The following PTP4A3 variants were observed in gnomAD, a reference collection of about 807,000 sequenced individuals.
PTP4A3 encodes the protein protein tyrosine phosphatase 4A3, also known as protein tyrosine phosphatase type IVA 3.
Under a neutral mutation model 15.2 loss-of-function variants are expected in PTP4A3, and 9 were observed. The observed-to-expected ratio is 0.59, with a 90% CI of 0.36 to 1.03. The LOEUF is 1.03. Ranked by LOEUF, PTP4A3 falls within the 50% of genes least tolerant of loss-of-function variation. The probability of loss-of-function intolerance (pLI) is 0.02; values close to 1 mark genes in which losing one functional copy is unlikely to be tolerated. For missense variants in PTP4A3, 234 were observed against 252.1 expected (o/e 0.93, Z 0.49); for synonymous variants, 95 against 102.0 (o/e 0.93, Z 0.41).
intron 1 of PTP4A3, among the ~76,000 whole-genome samples, chr8:141,405,095 T>C (rs1381538126): frequency 6.6e-6 from 1 of 152,182 alleles, no homozygotes; most frequent in African/African-American, 2.4e-5. Context: ...CCACAGTCCA[T>C]GACAGGGACA....
intron 1 of PTP4A3, among the ~76,000 whole-genome samples, chr8:141,402,377 C>G (rs776462091): frequency 6.6e-6 from 1 of 152,214 alleles, no homozygotes; most frequent in Non-Finnish European, 1.5e-5. Context: ...GCTCAGGGGC[C>G]TGGGTTTCCA....
chr8:141,404,341 G>A (rs1206515675), intron 1 of PTP4A3, among the ~76,000 whole-genome samples: 2 of 152,278 alleles, frequency 1.3e-5, no homozygotes, highest in South Asian at 2.1e-4. Context: ...CTTTCAGGGG[G>A]TTGGGGTAGA....
chr8:141,402,178 G>A (rs962416379), intron 1 of PTP4A3, among the ~76,000 whole-genome samples: 1 of 152,200 alleles, frequency 6.6e-6, no homozygotes, highest in African/African-American at 2.4e-5. Context: ...GCTGCAAGGT[G>A]TGGGTGGAGC....
intron 1 of PTP4A3, among the ~76,000 whole-genome samples, chr8:141,413,291 G>A (rs1392752809): frequency 6.6e-6 from 1 of 152,216 alleles, no homozygotes; most frequent in Non-Finnish European, 1.5e-5. Context: ...TGTGAGCTCC[G>A]AATGAAACTC....
intron 1 of PTP4A3, among the ~76,000 whole-genome samples, chr8:141,393,737 A>C (rs1352978463): frequency 3.3e-5 from 5 of 152,192 alleles, no homozygotes; most frequent in Non-Finnish European, 2.9e-5. Flanking sequence ...CTCTGTCCCA[A>C]GTAACAGCCC....
intron 4 of PTP4A3, among the ~76,000 whole-genome samples, chr8:141,427,409 C>G (rs1027806889): frequency 5.3e-5 from 8 of 152,268 alleles, no homozygotes; most frequent in African/African-American, 1.4e-4. Context: ...AGAATGGCAG[C>G]TGGGATCGGA....
chr8:141,401,222 T>C (rs1031887697), intron 1 of PTP4A3, among the ~76,000 whole-genome samples: 3 of 152,086 alleles, frequency 2.0e-5, no homozygotes, highest in Non-Finnish European at 4.4e-5. Context: ...GGTAGCACAG[T>C]TGGGGAGTGG....
chr8:141,429,188 C>T (rs1175140259), intron 5 of PTP4A3, among the ~76,000 whole-genome samples: 1 of 152,260 alleles, frequency 6.6e-6, no homozygotes, highest in Non-Finnish European at 1.5e-5. Flanking sequence ...TGCGCCTTCC[C>T]CAGTGTGCCG....
chr8:141,427,885 C>T, intron 5 of PTP4A3, 61 bp downstream of exon 5: 1 of 1,458,470 alleles, frequency 6.9e-7, no homozygotes, highest in South Asian at 1.2e-5. Flanking sequence ...TCCGGCTGCC[C>T]ACGAAGGGTG....
At position 141,422,141 on chromosome 8, in the gene PTP4A3, C is replaced by G; in HGVS notation, c.-100C>G. 9.0e-7 allele frequency: 1 copy of G among 1,116,480 alleles called. No individual in the cohort carries two copies. The allele number at this position is 1,116,480 out of a possible 1,614,324, so 69.2% of individuals were successfully genotyped here. A position where few individuals can be genotyped will look rare whatever the true frequency, so the allele number is the denominator to read the frequency against. On this transcript the variant is annotated 5_prime_UTR_variant, in exon 2 of 6. Transcript: ENST00000521578. ...TTCTCTTGGACAAGCACAGGGATCT[C>G]GTTCTCCTCATTTTTTGGGGGTGTG...
chr8:141,430,667 C>T (rs909201034), intron 5 of PTP4A3, among the ~76,000 whole-genome samples: 7 of 152,120 alleles, frequency 4.6e-5, no homozygotes, highest in African/African-American at 1.4e-4. Flanking sequence ...GCCTGGGGGC[C>T]GTAGGGAGCC....
rs112862112 is a variant in PTP4A3 at position 141,427,079 on chromosome 8, G to T, written c.329+10G>T. 6.3e-6 allele frequency: 10 copies of T among 1,596,210 alleles called. No individual in the cohort carries two copies. The South Asian group carries it at 1.1e-4, about 18-fold the overall frequency. On this transcript the variant is annotated intron_variant, in intron 4 of 5. Coordinates refer to ENST00000521578, the MANE Select transcript of PTP4A3 (RefSeq NM_032611.3). The stretch of plus-strand genomic sequence containing the variant: ...TGGCGGGCCTGGGCCGGTGAGTGTC[G>T]GGGCGGGGTAGGGCTCGCCATGTCA...
intron 1 of PTP4A3, among the ~76,000 whole-genome samples, chr8:141,415,906 C>T (rs1833032795): frequency 6.6e-6 from 1 of 151,684 alleles, no homozygotes; most frequent in Admixed American, 6.6e-5. Flanking sequence ...GCTTGGCCTG[C>T]TTGGGTCTCC....
intron 1 of PTP4A3, among the ~76,000 whole-genome samples, chr8:141,404,883 G>T (rs182913183): frequency 3.9e-5 from 6 of 152,174 alleles, no homozygotes; most frequent in African/African-American, 1.4e-4. Context: ...ATGGAGCAGC[G>T]CCTGGCACTC....
intron 1 of PTP4A3, among the ~76,000 whole-genome samples, chr8:141,415,183 C>T (rs1470081462): frequency 6.6e-6 from 1 of 152,048 alleles, no homozygotes; most frequent in Non-Finnish European, 1.5e-5. Flanking sequence ...TCTGTGTGGG[C>T]AGGTGGAAGT....
intron 4 of PTP4A3, among the ~76,000 whole-genome samples, chr8:141,427,304 T>C (rs1359454103): frequency 6.6e-6 from 1 of 152,110 alleles, no homozygotes; most frequent in African/African-American, 2.4e-5. Context: ...TCCTGACATC[T>C]TGTGTAGGAA....
chr8:141,398,112 C>T (rs1486509845), intron 1 of PTP4A3, among the ~76,000 whole-genome samples: 2 of 152,208 alleles, frequency 1.3e-5, no homozygotes, highest in African/African-American at 4.8e-5. Context: ...AAGAGGGCCC[C>T]TGTGCCTTCT....
At chr8:141,399,157 C>A (rs999977030) in intron 1 of PTP4A3, among the ~76,000 whole-genome samples, 3 of 152,194 alleles carry the variant, frequency 2.0e-5, no homozygotes, top group Non-Finnish European at 2.9e-5. Context: ...ACACGGTGTG[C>A]TTTACCTGCT....
At chr8:141,410,543 T>C (rs1832842904) in intron 1 of PTP4A3, among the ~76,000 whole-genome samples, 1 of 152,198 alleles carries the variant, frequency 6.6e-6, no homozygotes, top group Admixed American at 6.5e-5. Context: ...AAAGTGCCAG[T>C]GTTCCAGGGA....
Sources: allele counts gnomAD v4.1 joint callset (sites outside exome capture counted in the v4.1 genomes callset), GRCh38; gene constraint gnomAD v4.1.1; transcripts MANE v1.5; gene names NCBI Gene and HGNC (gene_info 2026-07-23, HGNC 2026-07-21).